The following ASS1 variants were observed in gnomAD, a reference collection of about 807,000 sequenced individuals.
ASS1 encodes the protein argininosuccinate synthase.
A neutral mutation model predicts 60.5 loss-of-function variants in ASS1; 58 were observed. The observed-to-expected ratio is 0.96, with a 90% CI of 0.78 to 1.19. ASS1 has a LOEUF of 1.19. ASS1 is among the 50% of genes most tolerant of loss of function. ASS1 has a pLI of 0.00. For synonymous variants in ASS1, 200 were observed against 206.9 expected, an observed-to-expected ratio of 0.97 and a Z score of 0.29; for missense variants, 454 against 547.3, an observed-to-expected ratio of 0.83 and a Z score of 1.70.
At chr9:130,457,809 C>T (rs1187579190) in intron 3 of ASS1, among the ~76,000 whole-genome samples, 1 of 152,158 alleles carries the variant, frequency 6.6e-6, no homozygotes, top group Non-Finnish European at 1.5e-5. Flanking sequence ...AACTAAGTTT[C>T]ATCTTGTTGG....
At chr9:130,493,680 C>T (rs561616366) in intron 12 of ASS1, among the ~76,000 whole-genome samples, 1 of 152,318 alleles carries the variant, frequency 6.6e-6, no homozygotes, top group South Asian at 2.1e-4. Flanking sequence ...TGCAGCTGCC[C>T]AGGTGGGCTC....
At chr9:130,447,674 G>T (rs993468956) in intron 1 of ASS1, among the ~76,000 whole-genome samples, 1 of 152,222 alleles carries the variant, frequency 6.6e-6, no homozygotes, top group African/African-American at 2.4e-5. Flanking sequence ...TGTGGTGGGG[G>T]TGGAGCTGGG....
At position 130,479,308 on chromosome 9, in the gene ASS1, C is replaced by T. The variant is rs775185564; in HGVS notation, c.689-408C>T. Reference sequence around the variant, plus strand: ...GTGTGTGTGTGTGTGTGTGTGTGAGCGAGTATGTGTGTGCTTGAGCCCAGC... The same window carrying T: ...GTGTGTGTGTGTGTGTGTGTGTGAGTGAGTATGTGTGTGCTTGAGCCCAGC... On this transcript the variant is annotated intron_variant, in intron 9 of 14. Transcript: ENST00000352480. 5.3e-5 allele frequency among the ~76,000 whole-genome samples: 8 copies of T among 151,832 alleles called. No individual in the cohort carries two copies. In the South Asian group the frequency reaches 8.3e-4, roughly 16 times the overall value.
rs776313739 is a variant in ASS1, at chr9:130,491,344, G to A, written c.970+1880G>A. Among the ~76,000 whole-genome samples, 23 of 152,170 alleles carry A rather than the reference G, an allele frequency of 1.5e-4. No individual in the cohort carries two copies. The highest frequency in any genetic ancestry group is 3.4e-4 in the African/African-American group (14 of 41,450). On this transcript the variant is annotated intron_variant, in intron 12 of 14. Coordinates refer to ENST00000352480, the MANE Select transcript of ASS1 (RefSeq NM_054012.4). This position sits in a 1 kb window ranked among gnomAD's most constrained non-coding sequence, Gnocchi z 5.3. ...GGCCGGGCTGCTCCGGGGCCTCCAC[G>A]GAGGCTGATCCCACCGTGGCCGCGG...
rs1846391482 is a variant in ASS1, at chr9:130,489,390, CCT to C, written c.897_898del (p.Phe300HisfsTer19). ...TACCATGCTCATTTAGACATCGAGG[CCT>C]TCACCATGGACCGGGAAGTGCGCAA... On this transcript the variant is annotated frameshift_variant, in exon 12 of 15. Transcript: ENST00000352480. LOFTEE classifies it high-confidence loss of function. This position sits in a 1 kb window ranked among gnomAD's most constrained non-coding sequence, Gnocchi z 4.1. The C allele has an allele frequency of 6.2e-7, 1 of 1,614,082 alleles. No homozygotes were observed.
chr9:130,483,693 C>G (rs1305360555), intron 11 of ASS1, among the ~76,000 whole-genome samples: 1 of 150,668 alleles, frequency 6.6e-6, no homozygotes, highest in African/African-American at 2.5e-5. Flanking sequence ...CTCCCCTCTC[C>G]GCTCTCCTCC....
At chr9:130,471,663 G>A (rs1257005064) in intron 8 of ASS1, 148 bp downstream of exon 8, 15 of 934,776 alleles carry the variant, frequency 1.6e-5, no homozygotes, top group Admixed American at 1.0e-4. Context: ...TGTGTTCCCC[G>A]ACCCCCGCAC....
In ASS1 at chr9:130,454,373, G is replaced by A. The variant is rs1344685348; in HGVS notation, c.174G>A (p.Lys58=). 1 of 1,613,516 alleles carries A rather than the reference G, an allele frequency of 6.2e-7. No individual in the cohort carries two copies. Among genetic ancestry groups the A allele is most frequent in the Non-Finnish European group, 8.5e-7 (1 of 1,179,714 alleles). The change falls in exon 3 of 15, where the codon AAG becomes AAA. Residue 58 remains lysine, a splice_region_variant and synonymous_variant. Transcript: ENST00000352480. ...RKKALKLGAK[K]VFIEDVSREF... ...AGGCACTGAAGCTTGGGGCCAAAAA[G>A]GTACCAGGCGGGAGGCAGGGATTTG...
In ASS1 at chr9:130,478,158, C is replaced by T. The variant is rs893661599; in HGVS notation, c.688+1197C>T. ...TCTGGGCCTTTCCCAAGAGCTTGGC[C>T]AAGCCAGCGACTGTCTTCCTTGCTC... On this transcript the variant is annotated intron_variant, in intron 9 of 14. Transcript: ENST00000352480. The surrounding 1 kb of genome is among the most constrained non-coding windows in gnomAD (Gnocchi z 4.7). 1.3e-5 allele frequency among the ~76,000 whole-genome samples: 2 copies of T among 152,238 alleles called. No individual in the cohort carries two copies. The highest frequency in any genetic ancestry group is 2.9e-5 in the Non-Finnish European group (2 of 68,040).
At chr9:130,490,876 G>T (rs529855620) in intron 12 of ASS1, among the ~76,000 whole-genome samples, 314 of 152,306 alleles carry the variant, frequency 2.1e-3, no homozygotes, top group Non-Finnish European at 3.6e-3. Context: ...CTGATTTGGG[G>T]CGTTACATTA....
In ASS1 at chr9:130,459,127, T is replaced by C. The variant is rs1845522289; in HGVS notation, c.363+538T>C. Among the ~76,000 whole-genome samples the C allele has an allele frequency of 6.6e-6, 1 of 152,152 alleles. No homozygotes were observed. Among genetic ancestry groups the C allele is most frequent in the African/African-American group, 2.4e-5 (1 of 41,442 alleles). On this transcript the variant is annotated intron_variant, in intron 4 of 14. Transcript: ENST00000352480. This position sits in a 1 kb window ranked among gnomAD's most constrained non-coding sequence, Gnocchi z 4.6. ...AAACTGGTGGCTTAGAACACAGAAC[T>C]GTTCTGCCTCATGGTTCTGGAGGCC...
intron 4 of ASS1, among the ~76,000 whole-genome samples, chr9:130,458,860 C>T (rs917355282): frequency 1.9e-4 from 29 of 152,234 alleles, no homozygotes; most frequent in African/African-American, 6.5e-4. Flanking sequence ...GCTGCTGAGG[C>T]CTGGGGACAT....
At chr9:130,461,970 CG>C (rs1845607217) in intron 4 of ASS1, among the ~76,000 whole-genome samples, 1 of 152,150 alleles carries the variant, frequency 6.6e-6, no homozygotes, top group Admixed American at 6.5e-5. Flanking sequence ...TTGCTGGAAC[CG>C]CCTGAGCCCA....
chr9:130,468,124 G>C (rs1224075294), intron 6 of ASS1, among the ~76,000 whole-genome samples: 1 of 152,208 alleles, frequency 6.6e-6, no homozygotes. Context: ...GCACGTTCTA[G>C]AAGGAGGCAG....
intron 1 of ASS1, among the ~76,000 whole-genome samples, chr9:130,447,085 G>C (rs781033455): frequency 1.3e-5 from 2 of 152,264 alleles, no homozygotes; most frequent in Non-Finnish European, 2.9e-5. Context: ...CCACGGGGCA[G>C]TAGGCCTGAG....
In ASS1 at chr9:130,458,548, C is replaced by T. The variant is rs143405567; in HGVS notation, c.322C>T (p.Arg108Trp). 323 of 1,613,290 alleles carry T rather than the reference C, an allele frequency of 2.0e-4. No individual in the cohort carries two copies. The highest frequency in any genetic ancestry group is 4.2e-4 in the Admixed American group (25 of 60,018). ...IARKQVEIAQ[R>W]EGAKYVSHGA... The stretch of plus-strand genomic sequence containing the variant: ...CCGCAAACAAGTGGAAATCGCCCAG[C>T]GGGAGGGGGCCAAGTATGTGTCCCA... The change falls in exon 4 of 15, where the codon CGG becomes TGG. Residue 108 changes from arginine to tryptophan, a missense_variant. By Grantham distance (101) the Arg-to-Trp change is moderately radical (BLOSUM62 -3). Transcript: ENST00000352480.
At chr9:130,474,180 G>GAGT (rs1845955548) in intron 8 of ASS1, among the ~76,000 whole-genome samples, 1 of 151,660 alleles carries the variant, frequency 6.6e-6, no homozygotes, top group Non-Finnish European at 1.5e-5. Flanking sequence ...TTAGGAAGGA[G>GAGT]AGTAAAAAGA....
At chr9:130,465,056 A>ATATATATATATTTTTTTTTTTTTTTTTT (rs1479147331) in intron 5 of ASS1, among the ~76,000 whole-genome samples, 6 of 120,142 alleles carry the variant, frequency 5.0e-5, no homozygotes, top group African/African-American at 2.2e-4. Context: ...ATATATATAT[A>ATATATATATATTTTTTTTTTTTTTTTTT]TTTTTTTTTT....
At position 130,489,345 on chromosome 9, in the gene ASS1, C is replaced by T. The variant is rs886039853; in HGVS notation, c.851C>T (p.Thr284Ile). ...IGMKSRGIYETPAGTILYHAH... is the reference protein window; with the variant it reads ...IGMKSRGIYEIPAGTILYHAH... ...GAAAAATGGCTAGGTATCTACGAGACCCCAGCAGGCACCATCCTTTACCAT... is the reference window on the plus strand; with the variant it reads ...GAAAAATGGCTAGGTATCTACGAGATCCCAGCAGGCACCATCCTTTACCAT... The change falls in exon 12 of 15, where the codon ACC becomes ATC. Residue 284 changes from threonine (T) to isoleucine (I), a missense_variant. Physicochemically the swap from Thr to Ile is moderately conservative, Grantham distance 89. Transcript: ENST00000352480. This position sits in a 1 kb window ranked among gnomAD's most constrained non-coding sequence, Gnocchi z 4.1. 1.2e-6 allele frequency: 2 copies of T among 1,613,642 alleles called. No individual in the cohort carries two copies. The highest frequency in any genetic ancestry group is 1.3e-5 in the African/African-American group (1 of 74,790).
Sources: gnomAD v4.1 joint callset for allele counts (sites outside exome capture counted in the v4.1 genomes callset) on GRCh38, gnomAD v4.1.1 for gene constraint, Gnocchi (gnomAD v3.1) non-coding constraint, MANE v1.5 for transcripts, NCBI Gene and HGNC (gene_info 2026-07-23, HGNC 2026-07-21) for gene names.